The following ENOX1 variants were observed in gnomAD, a reference collection of about 807,000 sequenced individuals.
ENOX1 encodes the protein candidate growth-related and time keeping constitutive hydroquinone (NADH) oxidase.
ENOX1 carries 42 observed loss-of-function variants against 82.5 expected under a neutral mutation model. The observed-to-expected ratio is 0.51, with a 90% CI of 0.40 to 0.66. The LOEUF (loss-of-function observed/expected upper bound fraction) is 0.66, where lower values mean the gene tolerates loss of function less well. ENOX1 is among the 30% of genes least tolerant of loss of function. ENOX1 has a pLI of 0.00. For missense variants in ENOX1, 608 were observed against 811.6 expected, an observed-to-expected ratio of 0.75 and a Z score of 3.05; for synonymous variants, 271 against 282.2, an observed-to-expected ratio of 0.96 and a Z score of 0.40.
At position 43,254,774 on chromosome 13, in the gene ENOX1, C is replaced by T. The variant is rs565802197; in HGVS notation, c.1611+10624G>A. 1.4e-3 allele frequency among the ~76,000 whole-genome samples: 220 copies of T among 152,148 alleles called. 5 individuals are homozygous for T. The South Asian group carries it at 0.043, about 30-fold the overall frequency. On this transcript the variant is annotated intron_variant, in intron 14 of 16. Coordinates refer to ENST00000690772, the MANE Select transcript of ENOX1 (RefSeq NM_001347969.2). The stretch of plus-strand genomic sequence containing the variant: ...CATGAATAACTATATACTAACAAAT[C>T]GGAACACCTAGAAGAAATGCATACA...
chr13:43,755,220 C>T (rs1950587222), intron 1 of ENOX1, among the ~76,000 whole-genome samples: 1 of 152,130 alleles, frequency 6.6e-6, no homozygotes, highest in South Asian at 2.1e-4. Context: ...TTACAGCTTC[C>T]TCCACATCTC....
At chr13:43,571,218 G>A (rs2080162983) in intron 2 of ENOX1, among the ~76,000 whole-genome samples, 1 of 152,168 alleles carries the variant, frequency 6.6e-6, no homozygotes, top group South Asian at 2.1e-4. Flanking sequence ...ATAGAAGGGA[G>A]TTGTATTAAG....
chr13:43,437,908 A>C (rs2056128541), intron 3 of ENOX1, among the ~76,000 whole-genome samples: 1 of 152,216 alleles, frequency 6.6e-6, no homozygotes, highest in Non-Finnish European at 1.5e-5. Flanking sequence ...AAAAACAATT[A>C]ACTTTGAAGG....
intron 14 of ENOX1, among the ~76,000 whole-genome samples, chr13:43,260,514 G>T (rs1224279771): frequency 6.6e-6 from 1 of 152,134 alleles, no homozygotes; most frequent in Non-Finnish European, 1.5e-5. Context: ...TTTAAACATT[G>T]CTGGCTGAAG....
At chr13:43,445,212 C>T (rs113197536) in intron 3 of ENOX1, among the ~76,000 whole-genome samples, 4,120 of 151,684 alleles carry the variant, frequency 0.027, 165 homozygotes, top group African/African-American at 0.089. Context: ...CAAGCTCCAC[C>T]TCCTGGGTTC....
chr13:43,260,023 C>T (rs920507029), intron 14 of ENOX1, among the ~76,000 whole-genome samples: 16 of 152,168 alleles, frequency 1.1e-4, no homozygotes, highest in South Asian at 8.3e-4. Flanking sequence ...TTCTCTCTCA[C>T]GCCTCCCTGC....
intron 2 of ENOX1, among the ~76,000 whole-genome samples, chr13:43,504,511 T>G (rs909003785): frequency 6.6e-5 from 10 of 151,960 alleles, no homozygotes; most frequent in Non-Finnish European, 1.3e-4. Flanking sequence ...TCCTGTCATT[T>G]GCAACAACAT....
Position 43,361,183 on chromosome 13 carries a change from G to T in ENOX1, c.382+96C>A, listed in dbSNP as rs2050479433. On this transcript the variant is annotated intron_variant, in intron 6 of 16. Transcript: ENST00000690772. ...ACGGATCCCCACTCTGTGCATTTAC[G>T]TGTGAGTCACATCTGAAAATGACTG... 3.1e-6 allele frequency: 4 copies of T among 1,271,208 alleles called. No homozygotes were observed. The East Asian group carries it at 7.0e-5, about 22-fold the overall frequency. The allele number at this position is 1,271,208 out of a possible 1,614,324, so 78.7% of individuals were successfully genotyped here.
At chr13:43,619,839 C>A (rs1198326300) in intron 2 of ENOX1, among the ~76,000 whole-genome samples, 1 of 152,062 alleles carries the variant, frequency 6.6e-6, no homozygotes, top group African/African-American at 2.4e-5. Context: ...ATCAATTCTT[C>A]TTTGAATGCC....
At chr13:43,725,231 A>G (rs2088859116) in intron 1 of ENOX1, among the ~76,000 whole-genome samples, 7 of 152,180 alleles carry the variant, frequency 4.6e-5, no homozygotes. Flanking sequence ...TTAAGAGGAA[A>G]CCAAATAGGG....
At chr13:43,328,935 C>T (rs538535083) in intron 9 of ENOX1, among the ~76,000 whole-genome samples, 77 of 152,162 alleles carry the variant, frequency 5.1e-4, no homozygotes, top group Admixed American at 4.3e-3. Context: ...ATCATAGTCT[C>T]GGAAGAGAAA....
At chr13:43,778,556 C>A (rs1268163178) in intron 1 of ENOX1, among the ~76,000 whole-genome samples, 1 of 150,312 alleles carries the variant, frequency 6.7e-6, no homozygotes, top group East Asian at 2.0e-4. Context: ...ACCTCTTCGC[C>A]AAGAGCAAGG....
At chr13:43,242,706 A>G (rs1375508992) in intron 14 of ENOX1, among the ~76,000 whole-genome samples, 1 of 152,212 alleles carries the variant, frequency 6.6e-6, no homozygotes, top group African/African-American at 2.4e-5. Context: ...TCATCTTTGA[A>G]TAGTACTTGA....
At chr13:43,724,119 G>T (rs1422079946) in intron 1 of ENOX1, among the ~76,000 whole-genome samples, 1 of 152,050 alleles carries the variant, frequency 6.6e-6, no homozygotes, top group Non-Finnish European at 1.5e-5. Context: ...GTGAACACCA[G>T]GAAAATATTC....
intron 3 of ENOX1, among the ~76,000 whole-genome samples, chr13:43,464,968 G>C (rs1194892738): frequency 6.6e-6 from 1 of 152,072 alleles, no homozygotes; most frequent in African/African-American, 2.4e-5. Flanking sequence ...CCTCACTTTT[G>C]GCTGATTAGG....
chr13:43,579,003 A>AT lies in ENOX1; in HGVS notation c.-219+88475dup, dbSNP rs555732326. Among the ~76,000 whole-genome samples the AT allele has an allele frequency of 8.6e-3, 1,283 of 149,152 alleles. 15 individuals are homozygous for AT. The highest frequency in any genetic ancestry group is 0.014 in the Non-Finnish European group (941 of 67,162). On this transcript the variant is annotated intron_variant, in intron 2 of 16. Transcript: ENST00000690772. ...CCTAGATAGGAATTCTTGTTCCTTC[A>AT]TTTTTTTTTTCCTTCTGCTTGTGTG...
chr13:43,343,033 A>G (rs1466474408), intron 9 of ENOX1, among the ~76,000 whole-genome samples: 1 of 152,224 alleles, frequency 6.6e-6, no homozygotes, highest in East Asian at 1.9e-4. Flanking sequence ...CATTAGGACT[A>G]TAAACTGCAT....
At chr13:43,273,124 G>T (rs917945245) in intron 12 of ENOX1, among the ~76,000 whole-genome samples, 5 of 152,072 alleles carry the variant, frequency 3.3e-5, no homozygotes, top group African/African-American at 1.2e-4. Context: ...TTACAACTGT[G>T]CCCATTAGCA....
chr13:43,486,399 A>G (rs2208996), intron 2 of ENOX1, among the ~76,000 whole-genome samples: 4,189 of 152,178 alleles, frequency 0.028, 91 homozygotes, highest in South Asian at 0.079. Context: ...AAACAAAGAC[A>G]AAAACAAACA....
Sources: allele counts gnomAD v4.1 joint callset (sites outside exome capture counted in the v4.1 genomes callset), GRCh38; gene constraint gnomAD v4.1.1; transcripts MANE v1.5; gene names NCBI Gene and HGNC (gene_info 2026-07-23, HGNC 2026-07-21).